RCAN2: variants seen among roughly 807,000 people sequenced by gnomAD.
RCAN2 encodes regulator of calcineurin 2, also known as calcipressin-2.
In RCAN2, 9 loss-of-function variants were observed where a neutral mutation model predicts 23.6. That is an observed-to-expected ratio of 0.38 (90% CI 0.23 to 0.67). The LOEUF is 0.67. Among genes scored for constraint, RCAN2 ranks in the 30% least tolerant of loss-of-function variants. The probability of loss-of-function intolerance (pLI) is 0.51; values close to 1 mark genes in which losing one functional copy is unlikely to be tolerated. For missense variants in RCAN2, 273 were observed against 302.3 expected, an observed-to-expected ratio of 0.90 and a Z score of 0.72; for synonymous variants, 109 against 115.7, an observed-to-expected ratio of 0.94 and a Z score of 0.37.
At chr6:46,359,262 G>C (rs978466064) in intron 2 of RCAN2, among the ~76,000 whole-genome samples, 1 of 152,132 alleles carries the variant, frequency 6.6e-6, no homozygotes, top group Non-Finnish European at 1.5e-5. Flanking sequence ...TGTTGGAAAA[G>C]AAAAATCACA....
chr6:46,428,701 T>A (rs1767103912), intron 2 of RCAN2, among the ~76,000 whole-genome samples: 1 of 152,182 alleles, frequency 6.6e-6, no homozygotes, highest in Non-Finnish European at 1.5e-5. Flanking sequence ...TACCTTCTCT[T>A]CCCTGTACCT....
At chr6:46,322,551 G>T (rs1020364332) in intron 2 of RCAN2, among the ~76,000 whole-genome samples, 3 of 152,204 alleles carry the variant, frequency 2.0e-5, no homozygotes, top group Non-Finnish European at 4.4e-5. Flanking sequence ...ATTTGTGGAT[G>T]CTTCTACCCA....
intron 2 of RCAN2, among the ~76,000 whole-genome samples, chr6:46,291,290 T>TG (rs1762554016): frequency 6.6e-6 from 1 of 151,400 alleles, no homozygotes; most frequent in Non-Finnish European, 1.5e-5. Flanking sequence ...GTTTTTTTTT[T>TG]TTTTCCACTG....
rs111559891 is a variant in RCAN2 at position 46,393,407 on chromosome 6, C to T, written c.225+63345G>A. Among the ~76,000 whole-genome samples the T allele has an allele frequency of 5.3e-3, 801 of 152,284 alleles. 7 individuals are homozygous for T. Among genetic ancestry groups the T allele is most frequent in the African/African-American group, 0.018 (757 of 41,556 alleles). On this transcript the variant is annotated intron_variant, in intron 2 of 4. Coordinates refer to ENST00000371374, the MANE Select transcript of RCAN2 (RefSeq NM_001251974.2). Reference sequence around the variant, plus strand: ...GATAATACAATTGAAGCACTTGATGCAGTGAGTAGTTTGTAGTAAGTGTTC... The same window carrying T: ...GATAATACAATTGAAGCACTTGATGTAGTGAGTAGTTTGTAGTAAGTGTTC...
intron 2 of RCAN2, among the ~76,000 whole-genome samples, chr6:46,371,915 A>G (rs1360960743): frequency 7.9e-5 from 12 of 152,210 alleles, no homozygotes. Flanking sequence ...TTAGTCTGAC[A>G]TGGAGATCTC....
At chr6:46,392,894 A>C (rs1386399276) in intron 2 of RCAN2, among the ~76,000 whole-genome samples, 1 of 152,202 alleles carries the variant, frequency 6.6e-6, no homozygotes, top group Non-Finnish European at 1.5e-5. Context: ...ATAAATTTTT[A>C]AAGTGGTAGG....
chr6:46,480,045 T>C (rs1183652928), intron 1 of RCAN2, among the ~76,000 whole-genome samples: 2 of 152,216 alleles, frequency 1.3e-5, no homozygotes, highest in Non-Finnish European at 2.9e-5. Context: ...AAACACAAAT[T>C]CCGGCACCAA....
At chr6:46,474,348 G>T (rs1768652520) in intron 1 of RCAN2, among the ~76,000 whole-genome samples, 1 of 152,000 alleles carries the variant, frequency 6.6e-6, no homozygotes, top group Non-Finnish European at 1.5e-5. Flanking sequence ...CGGTGGGGAG[G>T]CAGGGGGAAG....
At chr6:46,231,927 C>A (rs1008064857) in intron 4 of RCAN2, among the ~76,000 whole-genome samples, 2 of 152,158 alleles carry the variant, frequency 1.3e-5, no homozygotes, top group Admixed American at 6.5e-5. Context: ...ATTGATAGTA[C>A]AGAGAAATAG....
intron 2 of RCAN2, among the ~76,000 whole-genome samples, chr6:46,265,450 G>A (rs997208629): frequency 6.6e-6 from 1 of 152,176 alleles, no homozygotes; most frequent in African/African-American, 2.4e-5. Context: ...GGGAAGCTGG[G>A]TAAAGCCAGT....
chr6:46,365,794 GCAAA>G (rs560421672), intron 2 of RCAN2, among the ~76,000 whole-genome samples: 44 of 152,234 alleles, frequency 2.9e-4, no homozygotes, highest in African/African-American at 9.9e-4. Flanking sequence ...TATTTGATGA[GCAAA>G]CAATTAATTG....
At chr6:46,393,339 G>GA (rs1765988797) in intron 2 of RCAN2, among the ~76,000 whole-genome samples, 1 of 152,158 alleles carries the variant, frequency 6.6e-6, no homozygotes, top group Non-Finnish European at 1.5e-5. Context: ...GTGATGTGGG[G>GA]ATGATAATAT....
At chr6:46,384,662 T>A (rs1030820867) in intron 2 of RCAN2, among the ~76,000 whole-genome samples, 4 of 152,190 alleles carry the variant, frequency 2.6e-5, no homozygotes, top group African/African-American at 9.7e-5. Context: ...AAATGGAGCC[T>A]TGCACAAAAA....
intron 2 of RCAN2, among the ~76,000 whole-genome samples, chr6:46,411,286 G>GTCAAAT (rs1172651779): frequency 6.6e-6 from 1 of 152,204 alleles, no homozygotes; most frequent in African/African-American, 2.4e-5. Flanking sequence ...ACCTAGTGTA[G>GTCAAAT]TCAAATTCAG....
At position 46,221,756 on chromosome 6, in the gene RCAN2, C is replaced by T; in HGVS notation, c.*1385G>A. ...GGCTTGGGTAATGAAAGTACTTCCC[C>T]ACTCCATTGTAATCTGCGTTTGCAT... On this transcript the variant is annotated 3_prime_UTR_variant, in exon 5 of 5. Coordinates refer to ENST00000371374, the MANE Select transcript of RCAN2 (RefSeq NM_001251974.2). The T allele has an allele frequency of 2.5e-6, 1 of 394,108 alleles. No individual in the cohort carries two copies. The highest frequency in any genetic ancestry group is 4.5e-6 in the Non-Finnish European group (1 of 223,578). 24.4% of individuals were successfully genotyped at this position (394,108 alleles called of 1,614,324 possible).
At chr6:46,359,312 C>T (rs1232572861) in intron 2 of RCAN2, among the ~76,000 whole-genome samples, 1 of 152,180 alleles carries the variant, frequency 6.6e-6, no homozygotes, top group Non-Finnish European at 1.5e-5. Context: ...TTATCAGCCC[C>T]ACAGCTTTTC....
chr6:46,280,780 A>G (rs913915817), intron 2 of RCAN2, among the ~76,000 whole-genome samples: 1 of 152,104 alleles, frequency 6.6e-6, no homozygotes, highest in Admixed American at 6.6e-5. Context: ...GAAGTTGGGT[A>G]TTAATTAAAC....
intron 2 of RCAN2, among the ~76,000 whole-genome samples, chr6:46,368,648 T>C (rs1765242497): frequency 6.6e-6 from 1 of 151,980 alleles, no homozygotes; most frequent in Non-Finnish European, 1.5e-5. Context: ...TACACATTTT[T>C]GTATGTAAAC....
At chr6:46,315,937 CAA>C in intron 2 of RCAN2, among the ~76,000 whole-genome samples, 1 of 151,194 alleles carries the variant, frequency 6.6e-6, no homozygotes, top group African/African-American at 2.4e-5. Flanking sequence ...TTGGAAGAGA[CAA>C]GAAAAGAGGT....
Sources: gnomAD v4.1 joint callset for allele counts (sites outside exome capture counted in the v4.1 genomes callset) on GRCh38, gnomAD v4.1.1 for gene constraint, MANE v1.5 for transcripts, NCBI Gene and HGNC (gene_info 2026-07-23, HGNC 2026-07-21) for gene names.